Variants in SLC49A4 observed in about 807,000 individuals in gnomAD.
SLC49A4 encodes the protein solute carrier family 49 member 4.
SLC49A4 carries 36 observed loss-of-function variants against 50.6 expected under a neutral mutation model. The ratio of observed to expected loss-of-function variants is 0.71; its 90% confidence interval spans 0.55 to 0.94. The LOEUF (loss-of-function observed/expected upper bound fraction) is 0.94, where lower values mean the gene tolerates loss of function less well. Among genes scored for constraint, SLC49A4 ranks in the 40% least tolerant of loss-of-function variants. The pLI is 0.00. For synonymous variants in SLC49A4, 248 were observed against 241.2 expected (o/e 1.03, Z -0.26); for missense variants, 503 against 605.7 (o/e 0.83, Z 1.78).
intron 7 of SLC49A4, among the ~76,000 whole-genome samples, chr3:122,862,667 T>C (rs972616856): frequency 1.4e-4 from 22 of 152,246 alleles, no homozygotes; most frequent in African/African-American, 5.3e-4. Flanking sequence ...CAAGTTAGCA[T>C]CTGTGGGATT....
chr3:122,827,961 A>C (rs1576298271), intron 3 of SLC49A4, among the ~76,000 whole-genome samples: 1 of 152,216 alleles, frequency 6.6e-6, no homozygotes, highest in Non-Finnish European at 1.5e-5. Context: ...CAGTAACTGC[A>C]AAGGCAGGGA....
rs955283454 is a variant in SLC49A4 at position 122,872,544 on chromosome 3, T to A, written c.1268T>A (p.Leu423Ter). ...EGITCGVVTF[L>*]SNMFMGVLLF... ...ATTACTTGTGGAGTTGTCACTTTTT[T>A]AAGTAATATGTTTATGGGAGTACTT... The change falls in exon 8 of 9, where the codon TTA (leucine) becomes TAA (stop). Residue 423 changes from leucine to a stop codon, truncating the protein, a stop_gained. Transcript: ENST00000261038. LOFTEE classifies it high-confidence loss of function. 6 of 1,609,474 alleles carry A rather than the reference T, an allele frequency of 3.7e-6. No homozygotes were observed. In the African/African-American group the frequency reaches 5.3e-5, roughly 14 times the overall value.
chr3:122,825,183 T>C (rs1049904339), intron 2 of SLC49A4, among the ~76,000 whole-genome samples: 6 of 152,194 alleles, frequency 3.9e-5, no homozygotes, highest in Non-Finnish European at 8.8e-5. Flanking sequence ...TCATTAAAAG[T>C]ATCAAATATC....
intron 2 of SLC49A4, among the ~76,000 whole-genome samples, chr3:122,811,646 G>A (rs1463196972): frequency 6.6e-6 from 1 of 152,230 alleles, no homozygotes; most frequent in Non-Finnish European, 1.5e-5. Flanking sequence ...TGTAATAGCA[G>A]AAGGCTGGAT....
chr3:122,820,453 A>G (rs1936434564), intron 2 of SLC49A4, among the ~76,000 whole-genome samples: 2 of 152,238 alleles, frequency 1.3e-5, no homozygotes, highest in Admixed American at 1.3e-4. Flanking sequence ...TAATTCTAAA[A>G]CATCATATTA....
chr3:122,846,288 T>C (rs1367312856), intron 5 of SLC49A4, among the ~76,000 whole-genome samples: 2 of 152,204 alleles, frequency 1.3e-5, no homozygotes. Context: ...ACATTTCACC[T>C]ATATGCTTGA....
chr3:122,815,941 A>G (rs1350302431), intron 2 of SLC49A4, among the ~76,000 whole-genome samples: 1 of 152,174 alleles, frequency 6.6e-6, no homozygotes, highest in East Asian at 1.9e-4. Context: ...GCTTCCCTCA[A>G]ATGCTTAATA....
At chr3:122,831,064 C>T (rs1450360662) in intron 3 of SLC49A4, among the ~76,000 whole-genome samples, 1 of 151,978 alleles carries the variant, frequency 6.6e-6, no homozygotes, top group African/African-American at 2.4e-5. Context: ...CAAATCAAAA[C>T]CATGGTAAGA....
intron 4 of SLC49A4, among the ~76,000 whole-genome samples, chr3:122,838,323 T>C (rs1444183881): frequency 2.6e-5 from 4 of 152,010 alleles, no homozygotes; most frequent in Admixed American, 1.3e-4. Flanking sequence ...CCAACAACGA[T>C]AGACTGGATT....
At chr3:122,811,348 T>G (rs1936295162) in intron 2 of SLC49A4, among the ~76,000 whole-genome samples, 1 of 152,214 alleles carries the variant, frequency 6.6e-6, no homozygotes, top group Non-Finnish European at 1.5e-5. Flanking sequence ...ATATTCAGCT[T>G]TCGTCATAAT....
In SLC49A4 at chr3:122,807,694, C is replaced by T. The variant is rs541796584; in HGVS notation, c.437+744C>T. ...GGTCCTTGAATGTGACCTTGAGAGT[C>T]GTTGAGAAATTTTTTCCCTTTCAGA... is the stretch of plus-strand genomic sequence containing the variant. On this transcript the variant is annotated intron_variant, in intron 2 of 8. Coordinates refer to ENST00000261038, the MANE Select transcript of SLC49A4 (RefSeq NM_032839.3). 2.7e-3 allele frequency among the ~76,000 whole-genome samples: 413 copies of T among 152,108 alleles called. 1 individual carries two copies. Among genetic ancestry groups the T allele is most frequent in the South Asian group, 7.1e-3 (34 of 4,822 alleles).
chr3:122,855,109 A>G (rs972426648), intron 5 of SLC49A4, among the ~76,000 whole-genome samples: 4 of 151,936 alleles, frequency 2.6e-5, no homozygotes, highest in African/African-American at 9.7e-5. Flanking sequence ...AAAAAAAAAA[A>G]GAAAGAAAAA....
chr3:122,827,977 T>C (rs558100075), intron 3 of SLC49A4, among the ~76,000 whole-genome samples: 141 of 152,352 alleles, frequency 9.3e-4, no homozygotes, highest in African/African-American at 3.3e-3. Context: ...AGGGAAGGTA[T>C]GAGAGAGCTC....
chr3:122,865,041 G>A (rs1937098675), intron 7 of SLC49A4, among the ~76,000 whole-genome samples: 1 of 152,122 alleles, frequency 6.6e-6, no homozygotes, highest in African/African-American at 2.4e-5. Flanking sequence ...CATTCAACAT[G>A]TATAGGCTAG....
rs775108325 is a variant in SLC49A4, at chr3:122,860,120, C to T, written c.1056C>T (p.Leu352=). Residue 352 remains leucine, a synonymous_variant, in exon 7 of 9, where the codon CTC becomes CTT. Transcript: ENST00000261038. ...GTATGCTGAAACTAATTCTTCTCCT[C>T]CTGTTTTCGGGAGCTACACTGTCAT... ...IRGMLKLILL[L]LFSGATLSST... 19 of 1,613,070 alleles carry T rather than the reference C, an allele frequency of 1.2e-5. No individual in the cohort carries two copies. Among genetic ancestry groups the T allele is most frequent in the Non-Finnish European group, 1.5e-5 (18 of 1,179,578 alleles).
intron 2 of SLC49A4, 149 bp downstream of exon 2, chr3:122,807,099 A>C: frequency 1.9e-6 from 1 of 517,656 alleles, no homozygotes; most frequent in Non-Finnish European, 3.4e-6. Flanking sequence ...ATCAGTTGTC[A>C]TGGAAGACAC....
chr3:122,828,805 G>A (rs1236880283), intron 3 of SLC49A4, among the ~76,000 whole-genome samples: 2 of 152,006 alleles, frequency 1.3e-5, no homozygotes, highest in Non-Finnish European at 2.9e-5. Flanking sequence ...AAAACTGAAC[G>A]CAGGTGAAAC....
chr3:122,851,315 G>C (rs1576306315), intron 5 of SLC49A4, among the ~76,000 whole-genome samples: 2 of 151,958 alleles, frequency 1.3e-5, no homozygotes, highest in African/African-American at 4.8e-5. Context: ...TTATTGTACA[G>C]GTCTGTGGGT....
At chr3:122,840,328 C>A (rs768718900) in intron 4 of SLC49A4, among the ~76,000 whole-genome samples, 1 of 152,094 alleles carries the variant, frequency 6.6e-6, no homozygotes. Context: ...CAGACTTCAC[C>A]GCTATCCAAT....
Sources: gnomAD v4.1 joint callset for allele counts (sites outside exome capture counted in the v4.1 genomes callset) on GRCh38, gnomAD v4.1.1 for gene constraint, MANE v1.5 for transcripts, NCBI Gene and HGNC (gene_info 2026-07-23, HGNC 2026-07-21) for gene names.